The following RNF213 variants were observed in gnomAD, a reference collection of about 807,000 sequenced individuals.
RNF213 encodes the protein ring finger protein 213.
RNF213 carries 341 observed loss-of-function variants against 514.4 expected under a neutral mutation model. The observed-to-expected ratio is 0.66, with a 90% confidence interval of 0.61 to 0.73. The LOEUF (loss-of-function observed/expected upper bound fraction) is 0.73. Ranked by LOEUF, RNF213 falls within the 30% of genes least tolerant of loss-of-function variation. RNF213 has a pLI of 0.00. For synonymous variants in RNF213, 2,655 were observed against 2,658.2 expected, an observed-to-expected ratio of 1.00 and a Z score of 0.04; for missense variants, 5,767 against 6,615.6, an observed-to-expected ratio of 0.87 and a Z score of 4.45.
intron 14 of RNF213, 47 bp downstream of exon 14, chr17:80,309,218 A>T: frequency 6.2e-7 from 1 of 1,609,690 alleles, no homozygotes; most frequent in Non-Finnish European, 8.5e-7. Context: ...ATAGGTGCGG[A>T]ATTTCAAGCA....
intron 18 of RNF213, among the ~76,000 whole-genome samples, chr17:80,327,567 G>T (rs1465026437): frequency 6.6e-6 from 1 of 152,080 alleles, no homozygotes; most frequent in African/African-American, 2.4e-5. Flanking sequence ...AGCTGATTTT[G>T]GCCATTGCGG....
rs573350269 is a variant in RNF213 at position 80,303,831 on chromosome 17, A to G, written c.2211-2421A>G. Among the ~76,000 whole-genome samples the G allele has an allele frequency of 1.7e-4, 26 of 151,498 alleles. No homozygotes were observed. In the East Asian group the frequency reaches 4.6e-3, roughly 27 times the overall value. On this transcript the variant is annotated intron_variant, in intron 11 of 67. Coordinates refer to ENST00000582970, the MANE Select transcript of RNF213 (RefSeq NM_001256071.3). Reference sequence around the variant, plus strand: ...GTGATCTGCCCGCCTCAGCCTTCCAAAGTGCTGGGATTACAGGCGTGAGCC... The same window carrying G: ...GTGATCTGCCCGCCTCAGCCTTCCAGAGTGCTGGGATTACAGGCGTGAGCC...
chr17:80,280,422 C>T (rs997767926), intron 3 of RNF213, among the ~76,000 whole-genome samples: 3 of 152,142 alleles, frequency 2.0e-5, no homozygotes, highest in Non-Finnish European at 4.4e-5. Flanking sequence ...TAATGTATAA[C>T]AGTAGTATAG....
chr17:80,309,257 T>G, intron 14 of RNF213, 86 bp downstream of exon 14: 8 of 1,504,000 alleles, frequency 5.3e-6, no homozygotes, highest in East Asian at 2.3e-5. Context: ...AACAGACTGA[T>G]TCCCGGGTGC....
Position 80,350,380 on chromosome 17 carries a change from C to G in RNF213, c.10168C>G (p.Leu3390Val), listed in dbSNP as rs765486456. Residue 3390 changes from leucine (L) to valine (V), a missense_variant, in exon 31 of 68, where the codon CTC (leucine) becomes GTC (valine). Physicochemically the swap from Leu to Val is conservative, Grantham distance 32 (BLOSUM62 1). Transcript: ENST00000582970. ...DFEDGIRSAQ[L>V]IASAKYSVIN... ...TGAAGATGGAATCCGTAGCGCCCAG[C>G]TCATTGCCTCAGCTAAGTATGTTTT... The G allele has an allele frequency of 1.0e-5, 16 of 1,603,634 alleles. No individual in the cohort carries two copies. Among genetic ancestry groups the G allele is most frequent in the Admixed American group, 1.7e-5 (1 of 59,992 alleles).
At chr17:80,352,428 C>T (rs1452342614) in intron 32 of RNF213, 18 of 372,728 alleles carry the variant, frequency 4.8e-5, no homozygotes, top group East Asian at 4.3e-4. Context: ...AGGAACGCAC[C>T]GATACGCCTG....
chr17:80,333,033 A>G (rs571877889), intron 21 of RNF213, among the ~76,000 whole-genome samples: 109 of 151,412 alleles, frequency 7.2e-4, no homozygotes, highest in Non-Finnish European at 1.4e-3. Context: ...TTTCTGTTAG[A>G]GTTAAGAGGT....
Position 80,364,530 on chromosome 17 carries a change from G to C in RNF213, c.11848G>C (p.Glu3950Gln), listed in dbSNP as rs149449382. ...CCCCGAGTTACAGGGGCTGGTGACC[G>C]AGCACGTCTTCTTACTAGACAAGGT... The part of the protein sequence containing the change: ...RVPELQGLVT[E>Q]HVFLLDKCLR... Residue 3950 changes from glutamate to glutamine, a missense_variant, in exon 42 of 68, where the codon GAG becomes CAG. Transcript: ENST00000582970. The C allele has an allele frequency of 1.5e-4, 244 of 1,614,032 alleles. No homozygotes were observed. The highest frequency in any genetic ancestry group is 1.9e-4 in the Non-Finnish European group (223 of 1,180,024).
intron 3 of RNF213, among the ~76,000 whole-genome samples, chr17:80,284,405 G>A (rs2044400829): frequency 6.6e-6 from 1 of 151,388 alleles, no homozygotes; most frequent in Non-Finnish European, 1.5e-5. Flanking sequence ...ATAGCTGGGC[G>A]TGGTGGCATG....
rs551460150 is a variant in RNF213, at chr17:80,372,276, C to CAAAATTTTTAT, written c.12538-242_12538-232dup. ...CTTTTTATCTTCATATTTTTATATC[C>CAAAATTTTTAT]AAAATTTTTATAATGTAAATAAATT... On this transcript the variant is annotated intron_variant, in intron 47 of 67. Transcript: ENST00000582970. Among the ~76,000 whole-genome samples the CAAAATTTTTAT allele has an allele frequency of 4.0e-4, 61 of 152,128 alleles. No homozygotes were observed. In the East Asian group the frequency reaches 9.1e-3, roughly 23 times the overall value.
chr17:80,320,168 C>A, intron 17 of RNF213: 1 of 259,326 alleles, frequency 3.9e-6, no homozygotes, highest in Non-Finnish European at 6.0e-6. Context: ...GCCCCTTTAG[C>A]CATCATCCTC....
intron 10 of RNF213, 82 bp downstream of exon 10, chr17:80,295,895 GTGAC>G (rs2143404590): frequency 2.0e-6 from 3 of 1,497,132 alleles, no homozygotes; most frequent in Non-Finnish European, 2.8e-6. Flanking sequence ...CTTGACTAGA[GTGAC>G]TGAAAGCACA....
chr17:80,359,369 T>C (rs938953762), intron 37 of RNF213, among the ~76,000 whole-genome samples: 4 of 150,624 alleles, frequency 2.7e-5, no homozygotes, highest in African/African-American at 9.8e-5. Flanking sequence ...CTACAAAAAA[T>C]TTAAAAATTA....
At chr17:80,295,434 A>G (rs2044899350) in intron 9 of RNF213, 123 bp from the exon 10 acceptor site, 1 of 1,250,084 alleles carries the variant, frequency 8.0e-7, no homozygotes, top group Non-Finnish European at 1.1e-6. Context: ...TGTGGCTCTC[A>G]CAGGTGTGGT....
chr17:80,369,758 C>G lies in RNF213; in HGVS notation c.12326-10C>G. 6.2e-7 allele frequency: 1 copy of G among 1,613,304 alleles called. No individual in the cohort carries two copies. The highest frequency in any genetic ancestry group is 8.5e-7 in the Non-Finnish European group (1 of 1,179,282). Reference sequence around the variant, plus strand: ...CATGCAGTGAGCTGCCTTTTTCTTTCTGGTTTAAGGACACTGTGAACACAC... The same window carrying G: ...CATGCAGTGAGCTGCCTTTTTCTTTGTGGTTTAAGGACACTGTGAACACAC... On this transcript the variant is annotated splice_polypyrimidine_tract_variant and intron_variant, in intron 45 of 67. Coordinates refer to ENST00000582970, the MANE Select transcript of RNF213 (RefSeq NM_001256071.3).
chr17:80,344,554 T>G (rs1217849791), intron 28 of RNF213, 124 bp from the exon 29 acceptor site: 1 of 1,051,876 alleles, frequency 9.5e-7, no homozygotes, highest in African/African-American at 1.6e-5. Context: ...TACAGAAAGC[T>G]ACATATTTTC....
rs777003742 is a variant in RNF213, at chr17:80,344,742, A to G, written c.6407A>G (p.Lys2136Arg). 24 of 1,613,932 alleles carry G rather than the reference A, an allele frequency of 1.5e-5. No individual in the cohort carries two copies. The African/African-American group carries it at 1.9e-4, about 13-fold the overall frequency. Residue 2136 changes from lysine (K) to arginine (R), a missense_variant, in exon 29 of 68, where the codon AAA (lysine) becomes AGA (arginine). By Grantham distance (26) the Lys-to-Arg change is conservative (BLOSUM62 2). This residue lies in a region of RNF213 where 1,377 missense variants were observed against 1,635.2 expected (regional missense o/e 0.84). Transcript: ENST00000582970. ...IFPKVTCRPP[K>R]EVIDMELSAL... ...CCAAAAGTCACCTGCAGGCCTCCCA[A>G]AGAGGTGATAGACATGGAGCTGAGT...
chr17:80,294,613 AT>A, intron 8 of RNF213, 106 bp from the exon 9 acceptor site: 1 of 1,369,568 alleles, frequency 7.3e-7, no homozygotes, highest in Non-Finnish European at 1.0e-6. Flanking sequence ...CCTCTGCCCC[AT>A]TTACTCCATA....
At chr17:80,303,627 G>A (rs891480359) in intron 11 of RNF213, among the ~76,000 whole-genome samples, 1 of 148,808 alleles carries the variant, frequency 6.7e-6, no homozygotes, top group Non-Finnish European at 1.5e-5. Context: ...ACAGTGGCGC[G>A]ATCTCTGGTC....
Sources: allele counts gnomAD v4.1 joint callset (sites outside exome capture counted in the v4.1 genomes callset), GRCh38; gene constraint gnomAD v4.1.1; regional missense constraint gnomAD v4.1.1; transcripts MANE v1.5; gene names NCBI Gene and HGNC (gene_info 2026-07-23, HGNC 2026-07-21).